Variants in FARP2 observed in about 807,000 individuals in gnomAD.
FARP2 encodes FERM, ARHGEF and pleckstrin domain-containing protein 2.
FARP2 carries 111 observed loss-of-function variants against 130.5 expected under a neutral mutation model. That is an observed-to-expected ratio of 0.85 (90% CI 0.73 to 1.00). FARP2 has a LOEUF of 1.00. Among genes scored for constraint, FARP2 ranks in the 50% least tolerant of loss-of-function variants. The pLI, the probability that FARP2 is intolerant of heterozygous loss-of-function variation, is 0.00. For missense variants in FARP2, 1,385 were observed against 1,346.3 expected, an observed-to-expected ratio of 1.03 and a Z score of -0.45; for synonymous variants, 504 against 516.9, an observed-to-expected ratio of 0.98 and a Z score of 0.34.
intron 12 of FARP2, among the ~76,000 whole-genome samples, chr2:241,439,880 CCTGGGAGGTGGAGGTTG>C (rs1221682500): frequency 6.6e-6 from 1 of 152,056 alleles, no homozygotes; most frequent in Non-Finnish European, 1.5e-5. Flanking sequence ...ATTGCTTGAA[CCTGGGAGGTGGAGGTTG>C]CAGTGAGCCG....
At chr2:241,362,459 G>A (rs868270205) in intron 1 of FARP2, among the ~76,000 whole-genome samples, 3 of 151,852 alleles carry the variant, frequency 2.0e-5, no homozygotes, top group Non-Finnish European at 4.4e-5. Flanking sequence ...AAAATTAGCC[G>A]GGCATGGTGG....
chr2:241,476,775 T>C (rs1029037239), intron 19 of FARP2, among the ~76,000 whole-genome samples: 25 of 152,100 alleles, frequency 1.6e-4, no homozygotes, highest in African/African-American at 5.3e-4. Context: ...TATAATTGAG[T>C]GGGTTTTAGT....
intron 26 of FARP2, 193 bp from the exon 27 acceptor site, chr2:241,493,815 T>A (rs995098791): frequency 1.9e-6 from 1 of 519,118 alleles, no homozygotes; most frequent in Middle Eastern, 5.4e-4. Context: ...CAGGCTGGTC[T>A]CGAACTCCTG....
rs191197499 is a variant in FARP2 at position 241,470,686 on chromosome 2, G to C, written c.2131+2309G>C. The stretch of plus-strand genomic sequence containing the variant: ...GGAGATACTGCTCTCAGGGGGTCCT[G>C]TTCTGATGGGGATGCACTCTGAGGG... On this transcript the variant is annotated intron_variant, in intron 18 of 26. Transcript: ENST00000264042. Among the ~76,000 whole-genome samples, 15 of 151,730 alleles carry C rather than the reference G, an allele frequency of 9.9e-5. No individual in the cohort carries two copies. In the East Asian group the frequency reaches 2.5e-3, roughly 26 times the overall value.
chr2:241,441,009 A>C (rs1185692304), intron 12 of FARP2, among the ~76,000 whole-genome samples: 1 of 151,252 alleles, frequency 6.6e-6, no homozygotes, highest in Non-Finnish European at 1.5e-5. Flanking sequence ...TGTCTCTAAA[A>C]AAATTAAAAA....
chr2:241,411,793 T>C (rs1276399978), intron 6 of FARP2, among the ~76,000 whole-genome samples: 1 of 152,138 alleles, frequency 6.6e-6, no homozygotes, highest in African/African-American at 2.4e-5. Flanking sequence ...GTTCCAAAAT[T>C]TTAGGAATTA....
At chr2:241,389,200 G>C (rs2061853186) in intron 2 of FARP2, among the ~76,000 whole-genome samples, 2 of 151,818 alleles carry the variant, frequency 1.3e-5, no homozygotes, top group Admixed American at 1.3e-4. Flanking sequence ...AGAATTGCTT[G>C]AACCCGGGAG....
rs543870335 is a variant in FARP2, at chr2:241,460,891, C to G, written c.1588-1632C>G. ...GGACTCTGGCGGGGGAGGCACAGCA[C>G]CTGGGCACTGGAGGGCTCTAGGCAG... is the stretch of plus-strand genomic sequence containing the variant. On this transcript the variant is annotated intron_variant, in intron 14 of 26. Coordinates refer to ENST00000264042, the MANE Select transcript of FARP2 (RefSeq NM_014808.4). Among the ~76,000 whole-genome samples, 29 of 152,216 alleles carry G rather than the reference C, an allele frequency of 1.9e-4. 1 individual carries two copies. The South Asian group carries it at 5.8e-3, about 31-fold the overall frequency.
At chr2:241,401,535 A>G (rs1574741517) in intron 2 of FARP2, among the ~76,000 whole-genome samples, 2 of 151,694 alleles carry the variant, frequency 1.3e-5, no homozygotes, top group African/African-American at 4.8e-5. Flanking sequence ...TTTCCTTTTA[A>G]TTTTTATCTT....
chr2:241,429,062 G>C (rs2063028510), intron 8 of FARP2, among the ~76,000 whole-genome samples: 1 of 152,198 alleles, frequency 6.6e-6, no homozygotes, highest in Non-Finnish European at 1.5e-5. Context: ...CTCTTACACT[G>C]AGTTTGCAGG....
In FARP2 at chr2:241,441,450, C is replaced by T. The variant is rs747326533; in HGVS notation, c.1305C>T (p.Ser435=). Reference sequence around the variant, plus strand: ...GCTCCCTCACAGATCCCCAGGTTTCCTACGTCAAGAGTCCAGCTGCAGAGA... The same window carrying T: ...GCTCCCTCACAGATCCCCAGGTTTCTTACGTCAAGAGTCCAGCTGCAGAGA... ...SSSSLTDPQV[S]YVKSPAAERR... is the part of the protein sequence containing the mutation. Residue 435 remains serine (S), a synonymous_variant, in exon 13 of 27, where the codon TCC becomes TCT. Transcript: ENST00000264042. The T allele has an allele frequency of 6.2e-7, 1 of 1,614,192 alleles. No homozygotes were observed. The highest frequency in any genetic ancestry group is 1.7e-5 in the Admixed American group (1 of 60,010).
At chr2:241,467,114 G>T (rs1046739917) in intron 17 of FARP2, among the ~76,000 whole-genome samples, 1 of 151,956 alleles carries the variant, frequency 6.6e-6, no homozygotes. Flanking sequence ...AATTAGCTGG[G>T]TGTGGTGGTG....
At chr2:241,474,143 A>G (rs2064388647) in intron 18 of FARP2, among the ~76,000 whole-genome samples, 1 of 151,328 alleles carries the variant, frequency 6.6e-6, no homozygotes, top group Admixed American at 6.6e-5. Flanking sequence ...CGTCTCTACT[A>G]AAAATACAAA....
chr2:241,479,954 T>G (rs1008716526), intron 19 of FARP2, among the ~76,000 whole-genome samples: 6 of 152,248 alleles, frequency 3.9e-5, no homozygotes, highest in African/African-American at 1.4e-4. Context: ...CTTTCTGGGA[T>G]GTTTGGGACT....
intron 18 of FARP2, among the ~76,000 whole-genome samples, chr2:241,471,788 C>T (rs948665252): frequency 2.0e-5 from 3 of 152,014 alleles, no homozygotes; most frequent in African/African-American, 7.2e-5. Flanking sequence ...AGCCACCGCG[C>T]CCAGCCGGGG....
At position 241,410,846 on chromosome 2, in the gene FARP2, G is replaced by A. The variant is rs2062499048; in HGVS notation, c.411-187G>A. 5.3e-6 allele frequency: 3 copies of A among 562,086 alleles called. No homozygotes were observed. The East Asian group carries it at 9.4e-5, about 18-fold the overall frequency. The allele number at this position is 562,086 out of a possible 1,614,324, so 34.8% of individuals were successfully genotyped here. A position where few individuals can be genotyped will look rare whatever the true frequency, so the allele number is the denominator to read the frequency against. On this transcript the variant is annotated intron_variant, in intron 5 of 26. Coordinates refer to ENST00000264042, the MANE Select transcript of FARP2 (RefSeq NM_014808.4). ...TTGGTTTATCATCTGACCTTCACTT[G>A]GTGACTGTTTGTTTCATGAAAGGCC...
At chr2:241,402,880 A>ATTTTTT (rs1194888946) in intron 2 of FARP2, among the ~76,000 whole-genome samples, 2 of 9,732 alleles carry the variant, frequency 2.1e-4, no homozygotes, top group Admixed American at 2.3e-3. Flanking sequence ...ATATATATAT[A>ATTTTTT]TTTTTTTTTT....
At chr2:241,466,054 A>G in intron 17 of FARP2, 1 of 1,210,916 alleles carries the variant, frequency 8.3e-7, no homozygotes, top group Non-Finnish European at 1.0e-6. Context: ...GTCATCTTTA[A>G]TGTTCATTAA....
At chr2:241,414,705 G>A (rs1043330030) in intron 7 of FARP2, among the ~76,000 whole-genome samples, 13 of 152,230 alleles carry the variant, frequency 8.5e-5, no homozygotes, top group Admixed American at 7.8e-4. Context: ...CAGCATGGCA[G>A]TCATGAGATA....
Sources: gnomAD v4.1 joint callset for allele counts (sites outside exome capture counted in the v4.1 genomes callset) on GRCh38, gnomAD v4.1.1 for gene constraint, MANE v1.5 for transcripts, NCBI Gene and HGNC (gene_info 2026-07-23, HGNC 2026-07-21) for gene names.